Variants in DPP10 observed in about 807,000 individuals in gnomAD.
DPP10 encodes inactive dipeptidyl peptidase 10.
Under a neutral mutation model 120.9 loss-of-function variants are expected in DPP10, and 33 were observed. That is an observed-to-expected ratio of 0.27 (90% CI 0.21 to 0.37). The LOEUF is 0.37. Ranked by LOEUF, DPP10 falls within the 10% of genes least tolerant of loss-of-function variation. The probability of loss-of-function intolerance (pLI) is 1.00; values close to 1 mark genes in which losing one functional copy is unlikely to be tolerated. For synonymous variants in DPP10, 337 were observed against 326.1 expected (o/e 1.03, Z -0.36); for missense variants, 816 against 942.8 (o/e 0.87, Z 1.76).
chr2:114,936,448 C>CAT (rs1471372935), intron 1 of DPP10, among the ~76,000 whole-genome samples: 7 of 151,478 alleles, frequency 4.6e-5, no homozygotes, highest in Middle Eastern at 3.4e-3. Flanking sequence ...TATATACGCA[C>CAT]ATATATATAC....
chr2:115,360,442 G>A (rs541974616), intron 3 of DPP10, among the ~76,000 whole-genome samples: 4 of 152,256 alleles, frequency 2.6e-5, no homozygotes, highest in African/African-American at 9.6e-5. Flanking sequence ...TGTGTGGAAG[G>A]CATTTTTGTT....
chr2:114,676,407 A>G (rs1242154906), intron 1 of DPP10, among the ~76,000 whole-genome samples: 3 of 152,134 alleles, frequency 2.0e-5, no homozygotes, highest in African/African-American at 7.2e-5. Flanking sequence ...TAGCATATCA[A>G]TTGTATCTGT....
At chr2:115,365,822 C>A (rs1422935522) in intron 3 of DPP10, among the ~76,000 whole-genome samples, 1 of 151,976 alleles carries the variant, frequency 6.6e-6, no homozygotes, top group Non-Finnish European at 1.5e-5. Flanking sequence ...AGCATCATTT[C>A]AAACCTGTTT....
At chr2:115,358,836 C>T (rs760852243) in intron 3 of DPP10, among the ~76,000 whole-genome samples, 10 of 152,092 alleles carry the variant, frequency 6.6e-5, no homozygotes, top group African/African-American at 1.2e-4. Flanking sequence ...GGCAGTACCA[C>T]GGAGAAGTGC....
chr2:115,234,301 C>A (rs546857577), intron 1 of DPP10, among the ~76,000 whole-genome samples: 7 of 152,226 alleles, frequency 4.6e-5, no homozygotes, highest in Admixed American at 3.3e-4. Context: ...TTTTCTTCTT[C>A]TATCCAGTAC....
chr2:114,461,886 G>T (rs765739988), intron 1 of DPP10: 37 of 985,384 alleles, frequency 3.8e-5, no homozygotes, highest in Non-Finnish European at 4.2e-5. Flanking sequence ...GAGACAGGTG[G>T]AGAGAGGGAG....
intron 1 of DPP10, among the ~76,000 whole-genome samples, chr2:114,737,686 G>A (rs962728395): frequency 3.3e-5 from 5 of 152,158 alleles, no homozygotes; most frequent in Admixed American, 3.3e-4. Context: ...GGATGGCACA[G>A]GGCAATGCAA....
chr2:115,103,507 C>T (rs2048804797), intron 1 of DPP10, among the ~76,000 whole-genome samples: 1 of 152,110 alleles, frequency 6.6e-6, no homozygotes. Context: ...GATTCTTGAA[C>T]CAAGTCTTCT....
intron 1 of DPP10, among the ~76,000 whole-genome samples, chr2:114,831,147 T>C (rs2106399331): frequency 6.9e-6 from 1 of 145,732 alleles, no homozygotes; most frequent in African/African-American, 2.5e-5. Context: ...TAGAAACATA[T>C]GGGGAAATAA....
chr2:115,624,309 T>A (rs1394399671), intron 5 of DPP10, among the ~76,000 whole-genome samples: 1 of 152,182 alleles, frequency 6.6e-6, no homozygotes, highest in African/African-American at 2.4e-5. Flanking sequence ...CTTTTTCTAT[T>A]CTCTCATATT....
At chr2:115,591,230 C>T (rs1421999043) in intron 5 of DPP10, among the ~76,000 whole-genome samples, 3 of 152,040 alleles carry the variant, frequency 2.0e-5, no homozygotes, top group African/African-American at 4.8e-5. Flanking sequence ...AAGTCCTTGC[C>T]TATGCCTATG....
intron 1 of DPP10, among the ~76,000 whole-genome samples, chr2:115,053,598 A>C (rs1029870212): frequency 7.9e-5 from 12 of 152,228 alleles, no homozygotes; most frequent in African/African-American, 2.9e-4. Flanking sequence ...ACATTTTTAA[A>C]TCGTTAAAAT....
At chr2:114,544,619 G>T (rs144342696) in intron 1 of DPP10, among the ~76,000 whole-genome samples, 1 of 151,544 alleles carries the variant, frequency 6.6e-6, no homozygotes, top group Non-Finnish European at 1.5e-5. Context: ...GTCATTGGGG[G>T]GACTCAAATT....
chr2:115,249,263 T>A (rs1023462385), intron 1 of DPP10, among the ~76,000 whole-genome samples: 1 of 152,118 alleles, frequency 6.6e-6, no homozygotes, highest in Non-Finnish European at 1.5e-5. Context: ...GGGTAAATTA[T>A]TGAAGGTGTT....
At chr2:114,742,618 T>C (rs1301854751) in intron 1 of DPP10, among the ~76,000 whole-genome samples, 1 of 152,258 alleles carries the variant, frequency 6.6e-6, no homozygotes, top group African/African-American at 2.4e-5. Context: ...CATTTTCCCA[T>C]CTTTTGCACC....
At chr2:114,497,991 C>A (rs1269171967) in intron 1 of DPP10, among the ~76,000 whole-genome samples, 1 of 152,138 alleles carries the variant, frequency 6.6e-6, no homozygotes, top group Non-Finnish European at 1.5e-5. Flanking sequence ...GATTGTTCTA[C>A]CAAGTACTTT....
intron 1 of DPP10, among the ~76,000 whole-genome samples, chr2:114,670,933 G>C (rs947735080): frequency 3.9e-5 from 6 of 152,048 alleles, no homozygotes; most frequent in African/African-American, 1.4e-4. Context: ...ATCATAGGTA[G>C]TTACTACCAT....
chr2:115,738,820 C>T (rs555201440), intron 8 of DPP10, among the ~76,000 whole-genome samples: 1 of 152,274 alleles, frequency 6.6e-6, no homozygotes, highest in South Asian at 2.1e-4. Flanking sequence ...CTGTCAGAGT[C>T]CCAAGTGTTG....
intron 1 of DPP10, among the ~76,000 whole-genome samples, chr2:114,578,232 T>C (rs1034454985): frequency 2.6e-5 from 4 of 152,216 alleles, no homozygotes; most frequent in Non-Finnish European, 5.9e-5. Context: ...TATACAAATG[T>C]ATGTAATGCA....
Sources: gnomAD v4.1 joint callset for allele counts (sites outside exome capture counted in the v4.1 genomes callset) on GRCh38, gnomAD v4.1.1 for gene constraint, MANE v1.5 for transcripts, NCBI Gene and HGNC (gene_info 2026-07-23, HGNC 2026-07-21) for gene names.